EPS8: variants seen among roughly 807,000 people sequenced by gnomAD.
EPS8 encodes the protein EGFR pathway substrate 8, signaling adaptor, also known as epidermal growth factor receptor kinase substrate 8.
EPS8 carries 42 observed loss-of-function variants against 103.8 expected under a neutral mutation model. That is an observed-to-expected ratio of 0.40 (90% CI 0.32 to 0.52). The LOEUF is 0.52. EPS8 is among the 20% of genes least tolerant of loss of function. EPS8 has a pLI of 0.40. For synonymous variants in EPS8, 344 were observed against 344.6 expected, an observed-to-expected ratio of 1.00 and a Z score of 0.02; for missense variants, 969 against 1,005.1, an observed-to-expected ratio of 0.96 and a Z score of 0.49.
chr12:15,741,294 C>G lies in EPS8; in HGVS notation c.-22+47867G>C, dbSNP rs574902313. On this transcript the variant is annotated intron_variant, in intron 1 of 20. Transcript: ENST00000281172. ...TGTGCAGTCCTGCCTCCAGCCACCC[C>G]CCTCCACTAGGGACAGAAACTGGGT... Among the ~76,000 whole-genome samples, 20 of 152,298 alleles carry G rather than the reference C, an allele frequency of 1.3e-4. No individual in the cohort carries two copies. In the East Asian group the frequency reaches 3.5e-3, roughly 26 times the overall value.
chr12:15,687,331 G>A (rs1463382588), intron 1 of EPS8, among the ~76,000 whole-genome samples: 3 of 152,088 alleles, frequency 2.0e-5, no homozygotes, highest in Non-Finnish European at 4.4e-5. Flanking sequence ...TTAAGTTCTT[G>A]TAACAATAAT....
intron 1 of EPS8, among the ~76,000 whole-genome samples, chr12:15,720,488 T>G (rs1411325132): frequency 1.3e-5 from 2 of 152,128 alleles, no homozygotes; most frequent in African/African-American, 2.4e-5. Flanking sequence ...AAGAACATAA[T>G]GGTCACACTA....
At chr12:15,699,292 T>C (rs1256683904) in intron 1 of EPS8, among the ~76,000 whole-genome samples, 1 of 152,212 alleles carries the variant, frequency 6.6e-6, no homozygotes, top group East Asian at 1.9e-4. Flanking sequence ...AAGAAAATAG[T>C]ATGAAGATGA....
chr12:15,726,703 T>C (rs1467998229), intron 1 of EPS8, among the ~76,000 whole-genome samples: 1 of 152,200 alleles, frequency 6.6e-6, no homozygotes, highest in African/African-American at 2.4e-5. Context: ...TGTAGCTTTA[T>C]TTTTCTTAAC....
chr12:15,650,111 T>A (rs896811920), intron 14 of EPS8, among the ~76,000 whole-genome samples: 6 of 152,208 alleles, frequency 3.9e-5, no homozygotes, highest in Admixed American at 3.3e-4. Flanking sequence ...CTCAATTTCA[T>A]TCCCTCAACT....
intron 10 of EPS8, 150 bp from the exon 11 acceptor site, chr12:15,658,735 T>C: frequency 1.6e-6 from 1 of 620,768 alleles, no homozygotes; most frequent in Non-Finnish European, 2.9e-6. Context: ...AGTCTGACTG[T>C]AACAAACTGA....
intron 3 of EPS8, chr12:15,671,720 A>G (rs1045294623): frequency 6.6e-6 from 1 of 152,130 alleles, no homozygotes; most frequent in African/African-American, 2.4e-5. Context: ...AATATGGAAC[A>G]CTTCATGAAT....
chr12:15,751,450 T>C lies in EPS8; in HGVS notation c.-22+37711A>G, dbSNP rs575308508. ...ATTCATTCATTTTGCCAAAACTATA[T>C]GGCACTATAGCAATAAACAAGGCCA... is the stretch of plus-strand genomic sequence containing the variant. On this transcript the variant is annotated intron_variant, in intron 1 of 20. Transcript: ENST00000281172. This position sits in a 1 kb window ranked among gnomAD's most constrained non-coding sequence, Gnocchi z 4.3. Among the ~76,000 whole-genome samples, 18 of 152,268 alleles carry C rather than the reference T, an allele frequency of 1.2e-4. No homozygotes were observed. In the South Asian group the frequency reaches 3.3e-3, roughly 28 times the overall value.
intron 15 of EPS8, among the ~76,000 whole-genome samples, chr12:15,643,886 C>T (rs112706952): frequency 4.6e-5 from 7 of 152,104 alleles, no homozygotes; most frequent in African/African-American, 1.4e-4. Flanking sequence ...AATTTGAGAA[C>T]TTCTCTAAAA....
chr12:15,644,511 G>A (rs993484861), intron 15 of EPS8, among the ~76,000 whole-genome samples: 2 of 151,940 alleles, frequency 1.3e-5, no homozygotes, highest in Non-Finnish European at 2.9e-5. Flanking sequence ...TGGCTAACAC[G>A]GTGAAACCCC....
At position 15,745,979 on chromosome 12, in the gene EPS8, C is replaced by T. The variant is rs1341219068; in HGVS notation, c.-22+43182G>A. Among the ~76,000 whole-genome samples the T allele has an allele frequency of 3.9e-5, 6 of 152,176 alleles. No individual in the cohort carries two copies. The highest frequency in any genetic ancestry group is 7.4e-5 in the Non-Finnish European group (5 of 68,024). ...AAGAGTTACACCATTTTCTTTAACA[C>T]ACAGCTTTTACATGGGATTGCACAT... is the stretch of plus-strand genomic sequence containing the variant. On this transcript the variant is annotated intron_variant, in intron 1 of 20. Transcript: ENST00000281172. This position sits in a 1 kb window ranked among gnomAD's most constrained non-coding sequence, Gnocchi z 4.6.
chr12:15,669,837 CA>C lies in EPS8; in HGVS notation c.205-13del. The C allele has an allele frequency of 6.4e-7, 1 of 1,565,926 alleles. No individual in the cohort carries two copies. The highest frequency in any genetic ancestry group is 8.6e-7 in the Non-Finnish European group (1 of 1,159,898). The stretch of plus-strand genomic sequence containing the variant: ...AAGGTAGTCAAGTGCTTACAATTGG[CA>C]AAAAGGAAAAAGATTTATAACACAT... On this transcript the variant is annotated splice_polypyrimidine_tract_variant and intron_variant, in intron 4 of 20. Transcript: ENST00000281172.
In EPS8 at chr12:15,769,209, G is replaced by A. The variant is rs921459969; in HGVS notation, c.-22+19952C>T. On this transcript the variant is annotated intron_variant, in intron 1 of 20. Transcript: ENST00000281172. This position sits in a 1 kb window ranked among gnomAD's most constrained non-coding sequence, Gnocchi z 4.6. ...GTTCTCTGTCTATAGAATAATGTTG[G>A]CAAAATAAATTGACATATGCTTAAC... Among the ~76,000 whole-genome samples, 2 of 151,942 alleles carry A rather than the reference G, an allele frequency of 1.3e-5. No individual in the cohort carries two copies. Among genetic ancestry groups the A allele is most frequent in the Non-Finnish European group, 2.9e-5 (2 of 68,006 alleles).
At chr12:15,692,387 C>T (rs1363909677) in intron 1 of EPS8, among the ~76,000 whole-genome samples, 2 of 148,836 alleles carry the variant, frequency 1.3e-5, no homozygotes, top group Non-Finnish European at 3.0e-5. Context: ...TTCAATGACC[C>T]CTGCTGAATG....
intron 18 of EPS8, 65 bp downstream of exon 18, chr12:15,631,377 C>A: frequency 6.3e-7 from 1 of 1,598,856 alleles, no homozygotes; most frequent in Non-Finnish European, 8.5e-7. Flanking sequence ...CAGCAGTAAA[C>A]AATATTTTAC....
In EPS8 at chr12:15,624,224, C is replaced by A. The variant is rs1944906881; in HGVS notation, c.2225+3G>T. ...ATTGCAAAGTATTCACAGAGAGACT[C>A]ACACAGGGTTGAATCCCTTTGACTG... On this transcript the variant is annotated splice_donor_region_variant and intron_variant, in intron 19 of 20. Transcript: ENST00000281172. 6.2e-7 allele frequency: 1 copy of A among 1,611,962 alleles called. No individual in the cohort carries two copies. The highest frequency in any genetic ancestry group is 8.5e-7 in the Non-Finnish European group (1 of 1,178,836).
At chr12:15,680,372 T>C (rs1945984239) in intron 3 of EPS8, among the ~76,000 whole-genome samples, 1 of 152,136 alleles carries the variant, frequency 6.6e-6, no homozygotes. Context: ...ACATACAGTG[T>C]TTTCTACTTG....
At chr12:15,775,722 C>T (rs1259327610) in intron 1 of EPS8, among the ~76,000 whole-genome samples, 3 of 152,092 alleles carry the variant, frequency 2.0e-5, no homozygotes, top group Non-Finnish European at 2.9e-5. Flanking sequence ...ATCACGCAGT[C>T]CACAAGGATA....
chr12:15,682,802 G>C, intron 2 of EPS8, 91 bp downstream of exon 2: 1 of 719,066 alleles, frequency 1.4e-6, no homozygotes, highest in Non-Finnish European at 2.4e-6. Context: ...ACTACACAAC[G>C]AAAGTAATCT....
Sources: allele counts gnomAD v4.1 joint callset (sites outside exome capture counted in the v4.1 genomes callset), GRCh38; gene constraint gnomAD v4.1.1; non-coding constraint Gnocchi (gnomAD v3.1); transcripts MANE v1.5; gene names NCBI Gene and HGNC (gene_info 2026-07-23, HGNC 2026-07-21).